The following HMX1 variants were observed in gnomAD, a reference collection of about 807,000 sequenced individuals.
HMX1 encodes H6 family homeobox 1, also known as homeobox protein HMX1.
A neutral mutation model predicts 8.9 loss-of-function variants in HMX1; 8 were observed. The ratio of observed to expected loss-of-function variants is 0.90; its 90% CI spans 0.53 to 1.63. The LOEUF (loss-of-function observed/expected upper bound fraction) is 1.63, where lower values mean the gene tolerates loss of function less well. Among genes scored for constraint, HMX1 ranks in the 40% most tolerant of loss-of-function variants. The pLI is 0.00. For missense variants in HMX1, 621 were observed against 558.5 expected (o/e 1.11, Z -1.13); for synonymous variants, 311 against 283.4 (o/e 1.10, Z -0.98).
At position 8,867,092 on chromosome 4, in the gene HMX1, C is replaced by G. The variant is rs997586746; in HGVS notation, c.*601G>C. ...TATTCCATACGCAAATAAGTAGATT[C>G]ATTTAAAAAAACAACAACCCGGAGG... is the stretch of plus-strand genomic sequence containing the variant. On this transcript the variant is annotated 3_prime_UTR_variant, in exon 2 of 2. Transcript: ENST00000400677. The G allele has an allele frequency of 2.0e-6, 2 of 985,462 alleles. No homozygotes were observed. Among genetic ancestry groups the G allele is most frequent in the East Asian group, 2.3e-4 (2 of 8,802 alleles). The allele number at this position is 985,462 out of a possible 1,614,324, so 61.0% of individuals were successfully genotyped here. A position where few individuals can be genotyped will look rare whatever the true frequency, so the allele number is the denominator to read the frequency against.
In HMX1 at chr4:8,868,296, CT is replaced by C; in HGVS notation, c.443del (p.Glu148GlyfsTer77). On this transcript the variant is annotated frameshift_variant, in exon 2 of 2. Coordinates refer to ENST00000400677, the MANE Select transcript of HMX1 (RefSeq NM_018942.3). LOFTEE classifies it low-confidence loss of function (END_TRUNC). This position sits in a 1 kb window ranked among gnomAD's most constrained non-coding sequence, Gnocchi z 4.6. ...GCCCGGGGCCTCGCGGCCAGGCGCCCTCCGCACGGCCCATCTCCTCGCCCGT... is the reference window on the plus strand; with the variant it reads ...GCCCGGGGCCTCGCGGCCAGGCGCCCCCGCACGGCCCATCTCCTCGCCCGT... ...PETGEEMGRA[E>X]GAWPRGPGPG... The C allele has an allele frequency of 6.9e-7, 1 of 1,443,224 alleles. No individual in the cohort carries two copies. Among genetic ancestry groups the C allele is most frequent in the Non-Finnish European group, 9.1e-7 (1 of 1,104,200 alleles). 89.4% of individuals were successfully genotyped at this position (1,443,224 alleles called of 1,614,324 possible).
chr4:8,864,725 G>A (rs1342487428), downstream of HMX1, among the ~76,000 whole-genome samples: 6 of 152,172 alleles, frequency 3.9e-5, no homozygotes, highest in South Asian at 2.1e-4. Context: ...GCTTCCCTGC[G>A]CCCAGTTGGC....
rs1410956796 is a variant in HMX1 at position 8,849,715 on chromosome 4, G to A, written c.395-3391C>T. 6.6e-6 allele frequency among the ~76,000 whole-genome samples: 1 copy of A among 152,212 alleles called. No homozygotes were observed. The highest frequency in any genetic ancestry group is 1.5e-5 in the Non-Finnish European group (1 of 68,032). On this transcript the variant is annotated intron_variant, in intron 1 of 1. Coordinates refer to the HMX1 transcript ENST00000506970. This position sits in a 1 kb window ranked among gnomAD's most constrained non-coding sequence, Gnocchi z 6.6. Reference sequence around the variant, plus strand: ...AGGCCCATGTGGATGCAACCCCAGGGGTTTTTCTCCCTCTCTTCCAATCCT... The same window carrying A: ...AGGCCCATGTGGATGCAACCCCAGGAGTTTTTCTCCCTCTCTTCCAATCCT...
intron 1 of HMX1, among the ~76,000 whole-genome samples, chr4:8,869,861 GGGATGCACC>G (rs1560185988): frequency 6.6e-6 from 1 of 152,194 alleles, no homozygotes; most frequent in Admixed American, 6.5e-5. Flanking sequence ...GCTGCAGGAG[GGGATGCACC>G]CCAGGGATGA....
chr4:8,855,966 G>T (rs1721597302), intron 1 of HMX1, among the ~76,000 whole-genome samples: 2 of 152,232 alleles, frequency 1.3e-5, no homozygotes, highest in African/African-American at 4.8e-5. Context: ...CCCTCCAGCG[G>T]ACAGTAGCAT....
intron 1 of HMX1, among the ~76,000 whole-genome samples, chr4:8,850,860 T>C (rs1721426528): frequency 6.6e-6 from 1 of 152,220 alleles, no homozygotes; most frequent in Non-Finnish European, 1.5e-5. Flanking sequence ...GCCGCCAGTG[T>C]TGTCTGGAAT....
Position 8,867,744 on chromosome 4 carries a change from CG to C in HMX1, c.995del (p.Pro332ArgfsTer78). On this transcript the variant is annotated frameshift_variant, in exon 2 of 2. Coordinates refer to ENST00000400677, the MANE Select transcript of HMX1 (RefSeq NM_018942.3). LOFTEE classifies it low-confidence loss of function (END_TRUNC). ...GALAYPLAAF[P>X]AAASVPFLRA... is the part of the protein sequence containing the mutation. ...GCAGAAAGGGCACGGAGGCGGCGGCCGGGAAGGCGGCCAGCGGGTAGGCGAG... is the reference window on the plus strand; with the variant it reads ...GCAGAAAGGGCACGGAGGCGGCGGCCGGAAGGCGGCCAGCGGGTAGGCGAG... 7.8e-7 allele frequency: 1 copy of C among 1,289,794 alleles called. No homozygotes were observed. The highest frequency in any genetic ancestry group is 9.8e-7 in the Non-Finnish European group (1 of 1,022,302). 79.9% of individuals were successfully genotyped at this position (1,289,794 alleles called of 1,614,324 possible).
downstream of HMX1, among the ~76,000 whole-genome samples, chr4:8,865,152 G>A (rs1019630758): frequency 4.6e-5 from 7 of 152,326 alleles, no homozygotes; most frequent in Non-Finnish European, 8.8e-5. Flanking sequence ...TGACTGAACC[G>A]CCTGTAAGGG....
At chr4:8,859,202 C>T (rs917015900) in intron 1 of HMX1, 7 of 150,882 alleles carry the variant, frequency 4.6e-5, no homozygotes, top group African/African-American at 1.7e-4. Context: ...CCCCCCCACG[C>T]CTCTTGACAG....
At chr4:8,856,785 G>A (rs1019019095) in intron 1 of HMX1, among the ~76,000 whole-genome samples, 3 of 152,152 alleles carry the variant, frequency 2.0e-5, no homozygotes, top group Non-Finnish European at 2.9e-5. Context: ...CATCATGAGG[G>A]AAAATCTTTA....
At position 8,867,740 on chromosome 4, in the gene HMX1, C is replaced by T. The variant is rs930860616; in HGVS notation, c.1000G>A (p.Ala334Thr). 17 of 1,289,814 alleles carry T rather than the reference C, an allele frequency of 1.3e-5. No individual in the cohort carries two copies. The African/African-American group carries it at 1.4e-4, about 10-fold the overall frequency. 79.9% of individuals were successfully genotyped at this position (1,289,814 alleles called of 1,614,324 possible). A position where few individuals can be genotyped will look rare whatever the true frequency, so the allele number is the denominator to read the frequency against. The change falls in exon 2 of 2, where the codon GCC (alanine) becomes ACC (threonine). Residue 334 changes from alanine (A) to threonine (T), a missense_variant. Transcript: ENST00000400677. ...GCCCGCAGAAAGGGCACGGAGGCGG[C>T]GGCCGGGAAGGCGGCCAGCGGGTAG... ...LAYPLAAFPAAASVPFLRAQM... is the reference protein window; with the variant it reads ...LAYPLAAFPATASVPFLRAQM...
Position 8,848,877 on chromosome 4 carries a change from G to A in HMX1, c.395-2553C>T, listed in dbSNP as rs191778601. 1.2e-3 allele frequency among the ~76,000 whole-genome samples: 176 copies of A among 152,334 alleles called. No homozygotes were observed. The Middle Eastern group carries it at 0.02, about 18-fold the overall frequency. ...CCTGACACTTGGCCATCTGTGCACCGTGCTCAAAGCCTCACCTTCCAACTA... is the reference window on the plus strand; with the variant it reads ...CCTGACACTTGGCCATCTGTGCACCATGCTCAAAGCCTCACCTTCCAACTA... On this transcript the variant is annotated intron_variant, in intron 1 of 1. Coordinates refer to the HMX1 transcript ENST00000506970. The surrounding 1 kb of genome is among the most constrained non-coding windows in gnomAD (Gnocchi z 4.1).
chr4:8,867,980 G>A lies in HMX1; in HGVS notation c.760C>T (p.Arg254Cys), dbSNP rs1336919538. The A allele has an allele frequency of 2.6e-6, 4 of 1,531,522 alleles. No individual in the cohort carries two copies. The highest frequency in any genetic ancestry group is 2.4e-5 in the South Asian group (2 of 83,042). The allele number at this position is 1,531,522 out of a possible 1,614,324, so 94.9% of individuals were successfully genotyped here. A position where few individuals can be genotyped will look rare whatever the true frequency, so the allele number is the denominator to read the frequency against. The change falls in exon 2 of 2, where the codon CGC becomes TGC. Residue 254 changes from arginine (R) to cysteine (C), a missense_variant. Arg to Cys is a radical substitution (Grantham distance 180, BLOSUM62 -3). Coordinates refer to ENST00000400677, the MANE Select transcript of HMX1 (RefSeq NM_018942.3). ...AGCTGCCGCTTCCACTTGTTGCGGCGGTTCTGGAACCAGATCTTAACCTGC... is the reference window on the plus strand; with the variant it reads ...AGCTGCCGCTTCCACTTGTTGCGGCAGTTCTGGAACCAGATCTTAACCTGC... ...ETQVKIWFQN[R>C]RNKWKRQLAA...
In HMX1 at chr4:8,871,796, G is replaced by T; in HGVS notation, c.-182C>A. 2.6e-6 allele frequency: 2 copies of T among 776,920 alleles called. No individual in the cohort carries two copies. Among genetic ancestry groups the T allele is most frequent in the South Asian group, 5.5e-5 (1 of 18,186 alleles). 48.1% of individuals were successfully genotyped at this position (776,920 alleles called of 1,614,324 possible). On this transcript the variant is annotated 5_prime_UTR_variant, in exon 1 of 2. Coordinates refer to ENST00000400677, the MANE Select transcript of HMX1 (RefSeq NM_018942.3). This position sits in a 1 kb window ranked among gnomAD's most constrained non-coding sequence, Gnocchi z 4.8. The stretch of plus-strand genomic sequence containing the variant: ...CTGGGCTGGGCCGGGCCGGGAGCGA[G>T]TGCGCGCCGACAGCTGATCGGGCAG...
chr4:8,871,463 T>A lies in HMX1; in HGVS notation c.152A>T (p.Asp51Val). Residue 51 changes from aspartate (D) to valine (V), a missense_variant, in exon 1 of 2, where the codon GAC becomes GTC. Physicochemically the swap from Asp to Val is radical, Grantham distance 152. Transcript: ENST00000400677. The surrounding 1 kb of genome is among the most constrained non-coding windows in gnomAD (Gnocchi z 4.8). ...SREDEEEDDD[D>V]PEDEDAEQAR... ...CTGCTCGGCGTCCTCGTCTTCGGGG[T>A]CGTCGTCGTCCTCCTCCTCGTCCTC... 7.5e-7 allele frequency: 1 copy of A among 1,337,166 alleles called. No individual in the cohort carries two copies. The highest frequency in any genetic ancestry group is 9.7e-7 in the Non-Finnish European group (1 of 1,031,428). 82.8% of individuals were successfully genotyped at this position (1,337,166 alleles called of 1,614,324 possible).
At chr4:8,859,507 A>G (rs1721725229) in intron 1 of HMX1, among the ~76,000 whole-genome samples, 1 of 151,746 alleles carries the variant, frequency 6.6e-6, no homozygotes, top group South Asian at 2.1e-4. Context: ...TGCCTCTCAG[A>G]CCCCCATGTG....
intron 1 of HMX1, among the ~76,000 whole-genome samples, chr4:8,857,905 GTC>G (rs1721665887): frequency 6.6e-6 from 1 of 152,108 alleles, no homozygotes; most frequent in Non-Finnish European, 1.5e-5. Flanking sequence ...CAGGAGCCGC[GTC>G]TCTACGGGCC....
At chr4:8,859,842 G>C (rs957339635) in intron 1 of HMX1, among the ~76,000 whole-genome samples, 1 of 152,236 alleles carries the variant, frequency 6.6e-6, no homozygotes, top group Admixed American at 6.5e-5. Context: ...AAGCTTCCAG[G>C]GGAGGCGGAA....
chr4:8,860,131 C>A (rs1721748232), intron 1 of HMX1, among the ~76,000 whole-genome samples: 1 of 152,246 alleles, frequency 6.6e-6, no homozygotes, highest in Non-Finnish European at 1.5e-5. Flanking sequence ...GCCCTGGTGC[C>A]TGGACACCCC....
Sources: gnomAD v4.1 joint callset for allele counts (sites outside exome capture counted in the v4.1 genomes callset) on GRCh38, gnomAD v4.1.1 for gene constraint, Gnocchi (gnomAD v3.1) non-coding constraint, MANE v1.5 for transcripts, NCBI Gene and HGNC (gene_info 2026-07-23, HGNC 2026-07-21) for gene names.